Variants in KCNMA1 observed in about 807,000 individuals in gnomAD.
KCNMA1 encodes Calcium-activated potassium channel subunit alpha-1.
KCNMA1 carries 29 observed loss-of-function variants against 140.0 expected under a neutral mutation model. The ratio of observed to expected loss-of-function variants is 0.21; its 90% CI spans 0.15 to 0.28. The LOEUF is 0.28. KCNMA1 is among the 10% of genes least tolerant of loss of function. The probability of loss-of-function intolerance (pLI) is 1.00; values close to 1 mark genes in which losing one functional copy is unlikely to be tolerated. For missense variants in KCNMA1, 880 were observed against 1,602.2 expected (o/e 0.55, Z 7.70); for synonymous variants, 612 against 611.9 (o/e 1.00, Z 0.00).
At chr10:76,949,816 T>C (rs1044278715) in intron 21 of KCNMA1, among the ~76,000 whole-genome samples, 19 of 152,196 alleles carry the variant, frequency 1.2e-4, no homozygotes, top group African/African-American at 4.3e-4. Context: ...ATGCCTGCAC[T>C]GGGCTCAGTG....
At chr10:77,169,212 A>G (rs1340704773) in intron 5 of KCNMA1, among the ~76,000 whole-genome samples, 3 of 152,132 alleles carry the variant, frequency 2.0e-5, no homozygotes, top group Non-Finnish European at 4.4e-5. Flanking sequence ...TACCAAAACC[A>G]TGGCGATGGA....
chr10:76,917,010 G>C (rs1162537121), intron 23 of KCNMA1, among the ~76,000 whole-genome samples: 3 of 152,162 alleles, frequency 2.0e-5, no homozygotes, highest in Non-Finnish European at 2.9e-5. Context: ...GATTGACATT[G>C]TAGTGTCCAT....
chr10:77,571,119 G>C (rs1403238309), intron 1 of KCNMA1, among the ~76,000 whole-genome samples: 1 of 151,910 alleles, frequency 6.6e-6, no homozygotes, highest in Non-Finnish European at 1.5e-5. Flanking sequence ...TTAGTCTATT[G>C]TTTCTTCCTC....
chr10:77,506,596 A>AGAGAGAGTGT lies in KCNMA1; in HGVS notation c.379-102574_379-102573insACACTCTCTC. Among the ~76,000 whole-genome samples the AGAGAGAGTGT allele has an allele frequency of 5.4e-4, 45 of 83,556 alleles. 1 individual carries two copies. Among genetic ancestry groups the AGAGAGAGTGT allele is most frequent in the African/African-American group, 6.7e-4 (9 of 13,406 alleles). The allele number at this position is 83,556 out of a possible 152,430, so 54.8% of individuals were successfully genotyped here. ...TAGAGAGAGAGAGAGAGAGAGAGAG[A>AGAGAGAGTGT]GTGTGTGTGTGTGTGTGTGTGTGTT... On this transcript the variant is annotated intron_variant, in intron 1 of 27. Transcript: ENST00000286628.
At chr10:77,039,883 C>CTTT (rs34943268) in intron 14 of KCNMA1, among the ~76,000 whole-genome samples, 4,006 of 78,900 alleles carry the variant, frequency 0.051, 475 homozygotes, top group Non-Finnish European at 0.062. Context: ...TTTTCTTTTT[C>CTTT]TTTTTTTTTT....
chr10:76,921,487 A>T (rs942495922), intron 23 of KCNMA1, among the ~76,000 whole-genome samples: 4 of 152,218 alleles, frequency 2.6e-5, no homozygotes, highest in African/African-American at 9.6e-5. Flanking sequence ...CAACTGCTGA[A>T]ACATAAATTA....
intron 2 of KCNMA1, among the ~76,000 whole-genome samples, chr10:77,263,505 G>C (rs926419448): frequency 6.6e-6 from 1 of 152,096 alleles, no homozygotes; most frequent in Non-Finnish European, 1.5e-5. Context: ...AAACCTCAAG[G>C]TCAAGCTTGG....
intron 2 of KCNMA1, among the ~76,000 whole-genome samples, chr10:77,350,101 G>A (rs1339725613): frequency 6.6e-6 from 1 of 152,136 alleles, no homozygotes; most frequent in Admixed American, 6.5e-5. Flanking sequence ...GTTTCACCAT[G>A]TTGGCCAGGC....
At chr10:77,115,981 T>A (rs1596293344) in intron 6 of KCNMA1, among the ~76,000 whole-genome samples, 2 of 152,026 alleles carry the variant, frequency 1.3e-5, no homozygotes, top group East Asian at 3.9e-4. Flanking sequence ...GAAGAAAGAG[T>A]GAGGCACGCC....
intron 20 of KCNMA1, among the ~76,000 whole-genome samples, chr10:76,956,771 A>G (rs995984821): frequency 6.6e-6 from 1 of 152,210 alleles, no homozygotes; most frequent in Non-Finnish European, 1.5e-5. Context: ...AAGAATACCA[A>G]GAAAAAAGCT....
At chr10:77,595,087 C>T (rs1298527090) in intron 1 of KCNMA1, among the ~76,000 whole-genome samples, 5 of 152,090 alleles carry the variant, frequency 3.3e-5, no homozygotes, top group Non-Finnish European at 7.4e-5. Context: ...AGCTCACGCC[C>T]GTAATCCCAG....
intron 23 of KCNMA1, among the ~76,000 whole-genome samples, chr10:76,921,473 T>G (rs1371595407): frequency 6.6e-6 from 1 of 152,200 alleles, no homozygotes; most frequent in Non-Finnish European, 1.5e-5. Flanking sequence ...TAACACATGA[T>G]TGGCAACTGC....
chr10:77,146,701 C>CAAAAAAAAAAAAAAAAAAAAAAAAA (rs5786266), intron 5 of KCNMA1, among the ~76,000 whole-genome samples: 3 of 64,184 alleles, frequency 4.7e-5, no homozygotes, highest in African/African-American at 6.5e-5. Flanking sequence ...GACTTCATCT[C>CAAAAAAAAAAAAAAAAAAAAAAAAA]AAAAAAAAAA....
intron 5 of KCNMA1, among the ~76,000 whole-genome samples, chr10:77,127,566 T>TAGGA (rs72447373): frequency 1.7e-4 from 25 of 150,654 alleles, no homozygotes; most frequent in South Asian, 4.2e-4. Flanking sequence ...ATAGAGAAAA[T>TAGGA]AGGAAGGAAG....
chr10:76,927,081 G>C (rs925882265), intron 23 of KCNMA1, among the ~76,000 whole-genome samples: 1 of 152,234 alleles, frequency 6.6e-6, no homozygotes, highest in Non-Finnish European at 1.5e-5. Flanking sequence ...TCAGCTTTGA[G>C]ATTTATGTCT....
chr10:77,535,811 G>C (rs1163448350), intron 1 of KCNMA1, among the ~76,000 whole-genome samples: 4 of 152,238 alleles, frequency 2.6e-5, no homozygotes, highest in South Asian at 4.1e-4. Context: ...AATATGACAT[G>C]TCCTTACTCA....
chr10:76,974,000 T>A (rs143617590), intron 19 of KCNMA1: 128 of 152,792 alleles, frequency 8.4e-4, no homozygotes, highest in Non-Finnish European at 1.4e-3. Flanking sequence ...CCCTTTAAGA[T>A]TTAAAGGTGA....
chr10:76,993,141 C>T, intron 19 of KCNMA1, among the ~76,000 whole-genome samples: 1 of 152,340 alleles, frequency 6.6e-6, no homozygotes, highest in East Asian at 1.9e-4. Context: ...GTCTGCTGCT[C>T]AGCCTGAGCC....
intron 2 of KCNMA1, among the ~76,000 whole-genome samples, chr10:77,255,641 T>C (rs2060564815): frequency 1.3e-5 from 2 of 149,806 alleles, no homozygotes; most frequent in Admixed American, 6.6e-5. Context: ...GGGCTGGGCA[T>C]GGTGGCTCAC....
Sources: gnomAD v4.1 joint callset for allele counts (sites outside exome capture counted in the v4.1 genomes callset) on GRCh38, gnomAD v4.1.1 for gene constraint, MANE v1.5 for transcripts, NCBI Gene and HGNC (gene_info 2026-07-23, HGNC 2026-07-21) for gene names.